The following DOK6 variants were observed in gnomAD, a reference collection of about 807,000 sequenced individuals.
DOK6 encodes the protein downstream of tyrosine kinase 6.
Under a neutral mutation model 44.0 loss-of-function variants are expected in DOK6, and 22 were observed. The observed-to-expected ratio is 0.50, with a 90% CI of 0.36 to 0.71. The LOEUF (loss-of-function observed/expected upper bound fraction) is 0.71, where lower values mean the gene tolerates loss of function less well. Ranked by LOEUF, DOK6 falls within the 30% of genes least tolerant of loss-of-function variation. The pLI is 0.00. For missense variants in DOK6, 340 were observed against 416.4 expected, an observed-to-expected ratio of 0.82 and a Z score of 1.60; for synonymous variants, 166 against 145.5, an observed-to-expected ratio of 1.14 and a Z score of -1.01.
At chr18:69,412,624 G>C (rs1175385629) in intron 1 of DOK6, among the ~76,000 whole-genome samples, 1 of 151,836 alleles carries the variant, frequency 6.6e-6, no homozygotes, top group African/African-American at 2.4e-5. Context: ...TAGAGAGCTA[G>C]GATAAATAGG....
At position 69,722,126 on chromosome 18, in the gene DOK6, T is replaced by C. The variant is rs138236372; in HGVS notation, c.600-16839T>C. 7.9e-5 allele frequency among the ~76,000 whole-genome samples: 12 copies of C among 152,334 alleles called. No individual in the cohort carries two copies. The East Asian group carries it at 1.5e-3, about 20-fold the overall frequency. On this transcript the variant is annotated intron_variant, in intron 5 of 7. Transcript: ENST00000382713. ...TTCCATATTATAAAATGAAATCATA[T>C]GTTTGGGTCTATGTGTCACTTTTGA... is the stretch of plus-strand genomic sequence containing the variant.
At chr18:69,767,073 CA>C (rs1215689025) in intron 7 of DOK6, among the ~76,000 whole-genome samples, 3 of 150,262 alleles carry the variant, frequency 2.0e-5, no homozygotes, top group Admixed American at 6.6e-5. Flanking sequence ...CTAAAAATAC[CA>C]AAAAAAAATT....
In DOK6 at chr18:69,736,311, G is replaced by T. The variant is rs1978604084; in HGVS notation, c.600-2654G>T. Among the ~76,000 whole-genome samples the T allele has an allele frequency of 3.7e-5, 4 of 106,874 alleles. No individual in the cohort carries two copies. In the East Asian group the frequency reaches 1.1e-3, roughly 29 times the overall value. 70.1% of individuals were successfully genotyped at this position (106,874 alleles called of 152,430 possible). A position where few individuals can be genotyped will look rare whatever the true frequency, so the allele number is the denominator to read the frequency against. ...TGTTATAATTTCCCTATATCACAAT[G>T]TTGAAAACAAACAAAAACAAAGAAA... On this transcript the variant is annotated intron_variant, in intron 5 of 7. Transcript: ENST00000382713.
chr18:69,489,400 G>T (rs535928401), intron 1 of DOK6, among the ~76,000 whole-genome samples: 1 of 152,260 alleles, frequency 6.6e-6, no homozygotes, highest in East Asian at 1.9e-4. Flanking sequence ...AGGGCAGGGA[G>T]GGTAAGCCCG....
In DOK6 at chr18:69,846,703, G is replaced by A. The variant is rs1403332121; in HGVS notation, c.*5320G>A. On this transcript the variant is annotated 3_prime_UTR_variant, in exon 8 of 8. Coordinates refer to ENST00000382713, the MANE Select transcript of DOK6 (RefSeq NM_152721.6). ...CCTACTAATTCATCACAATCACATA[G>A]TAATTGTGATTATAATTTTTGGAAT... The A allele has an allele frequency of 6.6e-6, 1 of 152,116 alleles. No individual in the cohort carries two copies. Among genetic ancestry groups the A allele is most frequent in the Non-Finnish European group, 1.5e-5 (1 of 68,020 alleles). The allele number at this position is 152,116 out of a possible 1,614,324, so 9.4% of individuals were successfully genotyped here. A position where few individuals can be genotyped will look rare whatever the true frequency, so the allele number is the denominator to read the frequency against.
At chr18:69,620,847 C>G (rs893519861) in intron 3 of DOK6, among the ~76,000 whole-genome samples, 1 of 152,144 alleles carries the variant, frequency 6.6e-6, no homozygotes, top group Non-Finnish European at 1.5e-5. Flanking sequence ...GGCATCAGGA[C>G]GTTGTGTTTT....
chr18:69,528,399 A>T (rs940453047), intron 1 of DOK6, among the ~76,000 whole-genome samples: 1 of 152,212 alleles, frequency 6.6e-6, no homozygotes, highest in African/African-American at 2.4e-5. Context: ...AACAACTTTG[A>T]AATAAGCAAG....
chr18:69,766,800 C>T (rs1457381116), intron 7 of DOK6, among the ~76,000 whole-genome samples: 2 of 152,150 alleles, frequency 1.3e-5, no homozygotes, highest in Non-Finnish European at 2.9e-5. Context: ...CAAACTCTCA[C>T]TATGACGTTT....
At chr18:69,432,134 T>G (rs976535560) in intron 1 of DOK6, among the ~76,000 whole-genome samples, 5 of 152,204 alleles carry the variant, frequency 3.3e-5, no homozygotes, top group African/African-American at 1.2e-4. Flanking sequence ...CCCTAAAGAT[T>G]ATTAAACTAA....
chr18:69,626,963 AG>A (rs146574689), intron 3 of DOK6, among the ~76,000 whole-genome samples: 6,850 of 152,188 alleles, frequency 0.045, 489 homozygotes, highest in African/African-American at 0.16. Context: ...GACTGGTGAG[AG>A]GGGTCAGGCC....
chr18:69,419,426 C>T (rs555185048), intron 1 of DOK6, among the ~76,000 whole-genome samples: 194 of 152,202 alleles, frequency 1.3e-3, no homozygotes, highest in African/African-American at 4.1e-3. Flanking sequence ...AGCTTAATGT[C>T]AGTATCTGAC....
At chr18:69,472,246 G>A (rs1053869074) in intron 1 of DOK6, among the ~76,000 whole-genome samples, 3 of 152,160 alleles carry the variant, frequency 2.0e-5, no homozygotes, top group South Asian at 2.1e-4. Flanking sequence ...GCCTACTAAC[G>A]TATTCAGGCC....
chr18:69,564,145 T>C (rs1205146820), intron 1 of DOK6, among the ~76,000 whole-genome samples: 1 of 152,126 alleles, frequency 6.6e-6, no homozygotes, highest in African/African-American at 2.4e-5. Flanking sequence ...CACTTAACTT[T>C]GTTAACCTGC....
At chr18:69,625,404 G>A (rs1242815442) in intron 3 of DOK6, among the ~76,000 whole-genome samples, 2 of 152,094 alleles carry the variant, frequency 1.3e-5, no homozygotes, top group Non-Finnish European at 2.9e-5. Flanking sequence ...AAATCACCTT[G>A]GTTGAGACTT....
chr18:69,634,569 G>A (rs1478521496), intron 3 of DOK6, among the ~76,000 whole-genome samples: 1 of 152,140 alleles, frequency 6.6e-6, no homozygotes, highest in Non-Finnish European at 1.5e-5. Context: ...TGAATACTGT[G>A]TAAGGAGAGG....
rs189275450 is a variant in DOK6 at position 69,457,404 on chromosome 18, G to A, written c.66+56094G>A. ...ATCCCAGCACAATTAATTGAATAGA[G>A]AGTCCTTTCTCTGTTGCTTGTTTTT... On this transcript the variant is annotated intron_variant, in intron 1 of 7. Coordinates refer to ENST00000382713, the MANE Select transcript of DOK6 (RefSeq NM_152721.6). Among the ~76,000 whole-genome samples, 31 of 152,234 alleles carry A rather than the reference G, an allele frequency of 2.0e-4. No individual in the cohort carries two copies. The East Asian group carries it at 6.0e-3, about 29-fold the overall frequency.
intron 1 of DOK6, among the ~76,000 whole-genome samples, chr18:69,431,712 A>C (rs1978811253): frequency 6.6e-6 from 1 of 152,202 alleles, no homozygotes; most frequent in Non-Finnish European, 1.5e-5. Flanking sequence ...CAGATAATGC[A>C]TAATTTGTTT....
chr18:69,835,678 C>T (rs1366537615), intron 7 of DOK6, among the ~76,000 whole-genome samples: 1 of 152,172 alleles, frequency 6.6e-6, no homozygotes, highest in African/African-American at 2.4e-5. Context: ...GACAGCGTCT[C>T]CTCTGTGTCT....
At chr18:69,569,161 T>C (rs1983056428) in intron 2 of DOK6, among the ~76,000 whole-genome samples, 1 of 152,014 alleles carries the variant, frequency 6.6e-6, no homozygotes, top group South Asian at 2.1e-4. Context: ...GGCATCATTG[T>C]TCAGAAACCA....
Sources: gnomAD v4.1 joint callset for allele counts (sites outside exome capture counted in the v4.1 genomes callset) on GRCh38, gnomAD v4.1.1 for gene constraint, MANE v1.5 for transcripts, NCBI Gene and HGNC (gene_info 2026-07-23, HGNC 2026-07-21) for gene names.